The following GLIS3 variants were observed in gnomAD, a reference collection of about 807,000 sequenced individuals.
GLIS3 encodes GLIS family zinc finger 3, also known as zinc finger protein GLIS3.
A neutral mutation model predicts 78.6 loss-of-function variants in GLIS3; 53 were observed. The observed-to-expected ratio is 0.67, with a 90% CI of 0.54 to 0.85. The LOEUF is 0.85. GLIS3 is among the 40% of genes least tolerant of loss of function. The probability of loss-of-function intolerance (pLI) is 0.00; values close to 1 mark genes in which losing one functional copy is unlikely to be tolerated. For synonymous variants in GLIS3, 684 were observed against 509.9 expected, an observed-to-expected ratio of 1.34 and a Z score of -4.60; for missense variants, 1,703 against 1,231.1, an observed-to-expected ratio of 1.38 and a Z score of -5.74.
chr9:4,344,695 G>A (rs1456417124), intron 2 of GLIS3, among the ~76,000 whole-genome samples: 1 of 152,172 alleles, frequency 6.6e-6, no homozygotes, highest in Non-Finnish European at 1.5e-5. Context: ...TCACTTGGAT[G>A]ACCAAGAGGC....
intron 2 of GLIS3, among the ~76,000 whole-genome samples, chr9:4,316,228 AAT>A (rs1384559646): frequency 6.6e-6 from 1 of 152,212 alleles, no homozygotes; most frequent in African/African-American, 2.4e-5. Context: ...TGTAAAGAAT[AAT>A]CATTAAACTC....
chr9:3,831,727 C>G (rs188372225), intron 9 of GLIS3, among the ~76,000 whole-genome samples: 1 of 152,150 alleles, frequency 6.6e-6, no homozygotes, highest in Non-Finnish European at 1.5e-5. Flanking sequence ...AATGGCCAAC[C>G]ATAAGAGAAT....
At chr9:4,041,445 T>C (rs1247912394) in intron 4 of GLIS3, among the ~76,000 whole-genome samples, 1 of 152,188 alleles carries the variant, frequency 6.6e-6, no homozygotes, top group Non-Finnish European at 1.5e-5. Flanking sequence ...TTTTGCACCT[T>C]AGACTTGGTG....
chr9:4,207,629 C>T (rs1433516948), intron 2 of GLIS3, among the ~76,000 whole-genome samples: 1 of 152,146 alleles, frequency 6.6e-6, no homozygotes, highest in Non-Finnish European at 1.5e-5. Flanking sequence ...CTCCACAGCC[C>T]ATACTATGTG....
chr9:4,118,191 C>T lies in GLIS3; in HGVS notation c.1287G>A (p.Lys429=), dbSNP rs765583144. 3 of 1,584,858 alleles carry T rather than the reference C, an allele frequency of 1.9e-6. No individual in the cohort carries two copies. The highest frequency in any genetic ancestry group is 1.7e-5 in the Admixed American group (1 of 57,632). The change falls in exon 4 of 11, where the codon AAG becomes AAA. Residue 429 remains lysine (K), a synonymous_variant. Coordinates refer to ENST00000381971, the MANE Select transcript of GLIS3 (RefSeq NM_001042413.2). This position sits in a 1 kb window ranked among gnomAD's most constrained non-coding sequence, Gnocchi z 4.7. Reference sequence around the variant, plus strand: ...CCGGGAACTCCTCCAGGCGTTCGGTCTTGAACAGGCCGGCCGACTGGCTGT... The same window carrying T: ...CCGGGAACTCCTCCAGGCGTTCGGTTTTGAACAGGCCGGCCGACTGGCTGT... ...GPDSQSAGLF[K]TERLEEFPGS... is the part of the protein sequence containing the mutation.
At chr9:3,913,188 A>T (rs548890244) in intron 6 of GLIS3, among the ~76,000 whole-genome samples, 3 of 152,274 alleles carry the variant, frequency 2.0e-5, no homozygotes, top group Admixed American at 2.0e-4. Flanking sequence ...TCTGCCTTTC[A>T]TTTAATTAAA....
At chr9:4,451,711 A>G in the GLIS3 span, among the ~76,000 whole-genome samples, 1 of 152,188 alleles carries the variant, frequency 6.6e-6, no homozygotes, top group Non-Finnish European at 1.5e-5. Context: ...AAATTGCACA[A>G]CTACATGGAA....
the GLIS3 span, among the ~76,000 whole-genome samples, chr9:4,388,931 G>C: frequency 1.3e-5 from 2 of 152,142 alleles, no homozygotes; most frequent in Admixed American, 1.3e-4. Context: ...TAAGCTCTTA[G>C]ATTTTTCAAG....
chr9:4,278,537 T>C (rs10974429), intron 2 of GLIS3, among the ~76,000 whole-genome samples: 37,408 of 151,956 alleles, frequency 0.25, 4,817 homozygotes, highest in Admixed American at 0.28. Context: ...AACAGAATAA[T>C]TTAAAAAAAA....
chr9:4,028,250 C>T (rs956371441), intron 4 of GLIS3, among the ~76,000 whole-genome samples: 3 of 152,140 alleles, frequency 2.0e-5, no homozygotes, highest in African/African-American at 7.2e-5. Context: ...ATGGTGATAA[C>T]ATACATCACT....
At chr9:4,483,864 G>T in the GLIS3 span, among the ~76,000 whole-genome samples, 1 of 152,122 alleles carries the variant, frequency 6.6e-6, no homozygotes, top group African/African-American at 2.4e-5. Context: ...AGTTTCCTCA[G>T]CTGTAAGATA....
rs372221069 is a variant in GLIS3, at chr9:3,856,062, G to A, written c.2420C>T (p.Ser807Phe). The A allele has an allele frequency of 2.5e-6, 4 of 1,614,076 alleles. No individual in the cohort carries two copies. Among genetic ancestry groups the A allele is most frequent in the Non-Finnish European group, 3.4e-6 (4 of 1,180,026 alleles). The change falls in exon 9 of 11, where the codon TCC (serine) becomes TTC (phenylalanine). Residue 807 changes from serine to phenylalanine, a missense_variant. Coordinates refer to ENST00000381971, the MANE Select transcript of GLIS3 (RefSeq NM_001042413.2). ...AGAAGAGTTTGTTTCTGGCTGATAG[G>A]ACTTCAGGTGTGAACCTGATGGCTG... Reference protein sequence around the residue: ...TQQPSGSHLKSYQPETNSSFQ... With the variant: ...TQQPSGSHLKFYQPETNSSFQ...
intron 3 of GLIS3, among the ~76,000 whole-genome samples, chr9:4,124,829 A>G (rs1832452357): frequency 6.6e-6 from 1 of 152,216 alleles, no homozygotes; most frequent in African/African-American, 2.4e-5. Context: ...TAGAGAGTAA[A>G]ATTCCTTTGC....
chr9:4,359,566 A>G, the GLIS3 span, among the ~76,000 whole-genome samples: 1 of 152,220 alleles, frequency 6.6e-6, no homozygotes, highest in Non-Finnish European at 1.5e-5. Context: ...CAGGGGCAAC[A>G]GACCCACTAA....
chr9:4,247,401 G>A (rs1350857288), intron 2 of GLIS3, among the ~76,000 whole-genome samples: 1 of 152,094 alleles, frequency 6.6e-6, no homozygotes, highest in East Asian at 1.9e-4. Flanking sequence ...ATTATAAACA[G>A]AAGCATAATA....
chr9:4,354,883 G>A, the GLIS3 span, among the ~76,000 whole-genome samples: 4 of 152,146 alleles, frequency 2.6e-5, no homozygotes, highest in Admixed American at 1.3e-4. Context: ...TTGGGAGGCC[G>A]AGGTGGGCGG....
At chr9:3,961,622 A>G (rs1424654693) in intron 4 of GLIS3, among the ~76,000 whole-genome samples, 2 of 152,230 alleles carry the variant, frequency 1.3e-5, no homozygotes, top group Admixed American at 1.3e-4. Context: ...CCGTTTTGAA[A>G]CAGTACTTTG....
At chr9:4,340,641 C>G (rs918792455) in intron 2 of GLIS3, among the ~76,000 whole-genome samples, 1 of 152,162 alleles carries the variant, frequency 6.6e-6, no homozygotes, top group Non-Finnish European at 1.5e-5. Flanking sequence ...ACCATGGACA[C>G]TTGAACCTGG....
At chr9:4,450,914 A>G in the GLIS3 span, among the ~76,000 whole-genome samples, 1 of 152,226 alleles carries the variant, frequency 6.6e-6, no homozygotes, top group African/African-American at 2.4e-5. Context: ...TGTAAAGACC[A>G]TCAATGCTAG....
Sources: allele counts gnomAD v4.1 joint callset (sites outside exome capture counted in the v4.1 genomes callset), GRCh38; gene constraint gnomAD v4.1.1; non-coding constraint Gnocchi (gnomAD v3.1); transcripts MANE v1.5; gene names NCBI Gene and HGNC (gene_info 2026-07-23, HGNC 2026-07-21).